Variants in ABI3BP observed in about 807,000 individuals in gnomAD.
The protein encoded by ABI3BP is ABI family member 3 binding protein.
In ABI3BP, 216 loss-of-function variants were observed where a neutral mutation model predicts 268.6. That is an observed-to-expected ratio of 0.80 (90% CI 0.72 to 0.90). The LOEUF (loss-of-function observed/expected upper bound fraction) is 0.90. Ranked by LOEUF, ABI3BP falls within the 40% of genes least tolerant of loss-of-function variation. The probability of loss-of-function intolerance (pLI) is 0.00; values close to 1 mark genes in which losing one functional copy is unlikely to be tolerated. For synonymous variants in ABI3BP, 730 were observed against 730.0 expected (o/e 1.00, Z 0.00); for missense variants, 2,090 against 2,182.4 (o/e 0.96, Z 0.84).
Position 100,898,906 on chromosome 3 carries a change from G to A in ABI3BP, c.329-12C>T, listed in dbSNP as rs202243331. 101 of 1,596,552 alleles carry A rather than the reference G, an allele frequency of 6.3e-5. No individual in the cohort carries two copies. Among genetic ancestry groups the A allele is most frequent in the Non-Finnish European group, 8.3e-5 (97 of 1,172,742 alleles). On this transcript the variant is annotated splice_polypyrimidine_tract_variant and intron_variant, in intron 3 of 67. Coordinates refer to ENST00000471714, the MANE Select transcript of ABI3BP (RefSeq NM_001375547.2). ...AGAACGAGTTTTACCTGTGGAGGTG[G>A]CATAGAGGTTAATAATTCAGGAGAC...
At chr3:100,856,300 T>C (rs972289019) in intron 14 of ABI3BP, among the ~76,000 whole-genome samples, 17 of 152,228 alleles carry the variant, frequency 1.1e-4, no homozygotes, top group African/African-American at 4.1e-4. Flanking sequence ...CTTGAAATGA[T>C]ATATAGGACT....
In ABI3BP at chr3:100,784,559, T is replaced by A. The variant is rs141464573; in HGVS notation, c.4162+3169A>T. On this transcript the variant is annotated intron_variant, in intron 57 of 67. Coordinates refer to ENST00000471714, the MANE Select transcript of ABI3BP (RefSeq NM_001375547.2). ...ACTTAGAGGAAAATAAGTCATTATA[T>A]GAAAAATATACATGCACATGTATGT... 4.1e-3 allele frequency among the ~76,000 whole-genome samples: 623 copies of A among 152,262 alleles called. 3 individuals are homozygous for A. Among genetic ancestry groups the A allele is most frequent in the African/African-American group, 0.014 (567 of 41,554 alleles).
intron 36 of ABI3BP, among the ~76,000 whole-genome samples, chr3:100,823,845 T>G (rs778416131): frequency 6.6e-6 from 1 of 152,202 alleles, no homozygotes; most frequent in Admixed American, 6.5e-5. Flanking sequence ...ACTTAGAAAT[T>G]GTCTTAAAAG....
In ABI3BP at chr3:100,749,534, G is replaced by GTT; in HGVS notation, c.*959_*960dup. 1 of 394,642 alleles carries GTT rather than the reference G, an allele frequency of 2.5e-6. No individual in the cohort carries two copies. The highest frequency in any genetic ancestry group is 4.5e-6 in the Non-Finnish European group (1 of 224,248). 24.4% of individuals were successfully genotyped at this position (394,642 alleles called of 1,614,324 possible). On this transcript the variant is annotated 3_prime_UTR_variant, in exon 68 of 68. Transcript: ENST00000471714. Reference sequence around the variant, plus strand: ...TTAATAGAAATAAATGAGTTAGTTAGTTAGATTTTTATTACAGATTGAATT... The same window carrying GTT: ...TTAATAGAAATAAATGAGTTAGTTAGTTTTAGATTTTTATTACAGATTGAATT...
In ABI3BP at chr3:100,824,938, G is replaced by A. The variant is rs927546028; in HGVS notation, c.2666C>T (p.Thr889Ile). The A allele has an allele frequency of 7.2e-6, 11 of 1,535,518 alleles. No homozygotes were observed. The highest frequency in any genetic ancestry group is 1.7e-4 in the Middle Eastern group (1 of 6,014). The change falls in exon 36 of 68, where the codon ACC (threonine) becomes ATC (isoleucine). Residue 889 changes from threonine (T) to isoleucine (I), a missense_variant. Thr to Ile is a moderately conservative substitution (Grantham distance 89). Transcript: ENST00000471714. ...AGGGCGGGTTCTTTTTGATGTTTTGGTAGCTGAAGGAAGAAAAAGCCTTGT... is the reference window on the plus strand; with the variant it reads ...AGGGCGGGTTCTTTTTGATGTTTTGATAGCTGAAGGAAGAAAAAGCCTTGT... The part of the protein sequence containing the change: ...RTEIPATTLA[T>I]KTSKRTRPPR...
At chr3:100,914,962 C>T (rs187220061) in intron 2 of ABI3BP, among the ~76,000 whole-genome samples, 45 of 152,298 alleles carry the variant, frequency 3.0e-4, no homozygotes, top group Non-Finnish European at 4.3e-4. Flanking sequence ...ATTTCACCCA[C>T]GGCTGACTAC....
At chr3:100,833,045 C>T in intron 30 of ABI3BP, 80 bp downstream of exon 30, 1 of 1,220,208 alleles carries the variant, frequency 8.2e-7, no homozygotes, top group Non-Finnish European at 1.1e-6. Flanking sequence ...AAAGATGGTA[C>T]AATAGCCTAT....
intron 9 of ABI3BP, among the ~76,000 whole-genome samples, chr3:100,874,550 A>G (rs1006571364): frequency 2.6e-5 from 4 of 152,208 alleles, no homozygotes; most frequent in Non-Finnish European, 5.9e-5. Flanking sequence ...AGTATAATTT[A>G]GAATTACTTT....
At chr3:100,854,894 G>A (rs1015040082) in intron 14 of ABI3BP, among the ~76,000 whole-genome samples, 1 of 151,880 alleles carries the variant, frequency 6.6e-6, no homozygotes, top group African/African-American at 2.4e-5. Context: ...ATTACCATTT[G>A]CTCTACACCT....
At chr3:100,864,687 G>A in intron 11 of ABI3BP, 146 bp downstream of exon 11, 1 of 627,982 alleles carries the variant, frequency 1.6e-6, no homozygotes, top group South Asian at 2.1e-5. Context: ...GAAAGAGGAA[G>A]GTTAACCACT....
intron 1 of ABI3BP, among the ~76,000 whole-genome samples, chr3:100,992,166 T>C (rs1200009830): frequency 1.3e-5 from 2 of 152,080 alleles, no homozygotes; most frequent in African/African-American, 4.8e-5. Flanking sequence ...GTTGAGAAAG[T>C]TTACTTAGTC....
chr3:100,807,988 TAC>T (rs2097760907), intron 50 of ABI3BP, among the ~76,000 whole-genome samples, 171 bp downstream of exon 50: 1 of 152,040 alleles, frequency 6.6e-6, no homozygotes, highest in East Asian at 1.9e-4. Context: ...TCCAATGATG[TAC>T]TTTTTTAGTA....
intron 66 of ABI3BP, among the ~76,000 whole-genome samples, chr3:100,752,302 T>C (rs1456678272): frequency 6.6e-6 from 1 of 152,222 alleles, no homozygotes; most frequent in Non-Finnish European, 1.5e-5. Context: ...GTTGAATGAC[T>C]GAAAAAAATC....
intron 31 of ABI3BP, 22 bp from the exon 32 acceptor site, chr3:100,830,656 A>G: frequency 6.6e-7 from 1 of 1,517,704 alleles, no homozygotes; most frequent in Admixed American, 2.0e-5. Flanking sequence ...TAATAAAAGA[A>G]ACCAAAGAGA....
At chr3:100,873,108 G>A (rs894614686) in intron 9 of ABI3BP, among the ~76,000 whole-genome samples, 4 of 152,110 alleles carry the variant, frequency 2.6e-5, no homozygotes, top group African/African-American at 4.8e-5. Flanking sequence ...GAACTTAAGA[G>A]CTTGCCTTTT....
At chr3:100,918,306 A>ACCTG (rs2059279685) in intron 2 of ABI3BP, among the ~76,000 whole-genome samples, 1 of 139,282 alleles carries the variant, frequency 7.2e-6, no homozygotes, top group Non-Finnish European at 1.6e-5. Flanking sequence ...CCATCCACCC[A>ACCTG]TCCACCCGTC....
chr3:100,820,140 A>G (rs2098176617), intron 40 of ABI3BP, 80 bp downstream of exon 40: 1 of 1,240,206 alleles, frequency 8.1e-7, no homozygotes, highest in Non-Finnish European at 1.1e-6. Flanking sequence ...CACACAGGCC[A>G]TCACTCCCAT....
chr3:100,901,789 G>T (rs186276300), intron 3 of ABI3BP, among the ~76,000 whole-genome samples: 4 of 151,200 alleles, frequency 2.6e-5, no homozygotes, highest in Non-Finnish European at 5.9e-5. Context: ...AAAAAGAAAA[G>T]CAAAATTTTG....
chr3:100,886,489 C>G (rs1172389138), intron 4 of ABI3BP, among the ~76,000 whole-genome samples, 166 bp from the exon 5 acceptor site: 1 of 151,982 alleles, frequency 6.6e-6, no homozygotes, highest in African/African-American at 2.4e-5. Flanking sequence ...AAAATAAGCT[C>G]AACGTGTGCT....
Sources: allele counts gnomAD v4.1 joint callset (sites outside exome capture counted in the v4.1 genomes callset), GRCh38; gene constraint gnomAD v4.1.1; transcripts MANE v1.5; gene names NCBI Gene and HGNC (gene_info 2026-07-23, HGNC 2026-07-21).